Variants in TMC1 observed in about 807,000 individuals in gnomAD.
TMC1 encodes the protein transmembrane channel-like protein 1.
A neutral mutation model predicts 105.8 loss-of-function variants in TMC1; 84 were observed. That is an observed-to-expected ratio of 0.79 (90% CI 0.67 to 0.95). The LOEUF is 0.95. Ranked by LOEUF, TMC1 falls within the 40% of genes least tolerant of loss-of-function variation. The probability of loss-of-function intolerance (pLI) is 0.00; values close to 1 mark genes in which losing one functional copy is unlikely to be tolerated. For synonymous variants in TMC1, 315 were observed against 311.5 expected, an observed-to-expected ratio of 1.01 and a Z score of -0.12; for missense variants, 817 against 914.1, an observed-to-expected ratio of 0.89 and a Z score of 1.37.
At chr9:72,561,063 C>T (rs1253222163) in intron 1 of TMC1, among the ~76,000 whole-genome samples, 1 of 151,708 alleles carries the variant, frequency 6.6e-6, no homozygotes, top group Non-Finnish European at 1.5e-5. Flanking sequence ...CCTGTAATCC[C>T]AGCACTTTGG....
At chr9:72,712,418 A>C (rs1424136885) in intron 8 of TMC1, among the ~76,000 whole-genome samples, 1 of 151,212 alleles carries the variant, frequency 6.6e-6, no homozygotes, top group African/African-American at 2.4e-5. Flanking sequence ...ATGTTTTTCC[A>C]TGTTTGTGTC....
chr9:72,563,479 T>C (rs1020001627), intron 1 of TMC1, among the ~76,000 whole-genome samples: 2 of 152,192 alleles, frequency 1.3e-5, no homozygotes, highest in African/African-American at 4.8e-5. Flanking sequence ...GAGGCATTTC[T>C]AGGATTTTTG....
chr9:72,624,466 A>G (rs1299215403), intron 3 of TMC1, among the ~76,000 whole-genome samples: 2 of 152,168 alleles, frequency 1.3e-5, no homozygotes, highest in Non-Finnish European at 2.9e-5. Flanking sequence ...TGGCCAAGCC[A>G]TTCACTACTG....
chr9:72,660,411 G>A (rs1389224685), intron 5 of TMC1, among the ~76,000 whole-genome samples: 4 of 152,160 alleles, frequency 2.6e-5, no homozygotes, highest in East Asian at 1.9e-4. Flanking sequence ...TAATAAAATA[G>A]CATTTTCTCC....
rs1421946059 is a variant in TMC1, at chr9:72,706,202, CTCACCCTT to C, written c.362+5562_362+5569del. On this transcript the variant is annotated intron_variant, in intron 8 of 23. Transcript: ENST00000297784. The stretch of plus-strand genomic sequence containing the variant: ...GAAAACTATTTATTTGGCTTCCATT[CTCACCCTT>C]TCTCTCCTGTTTTCTTGTAGCTTAA... Among the ~76,000 whole-genome samples, 6 of 152,118 alleles carry C rather than the reference CTCACCCTT, an allele frequency of 3.9e-5. No homozygotes were observed. In the South Asian group the frequency reaches 6.2e-4, roughly 16 times the overall value.
intron 19 of TMC1, among the ~76,000 whole-genome samples, chr9:72,820,573 T>A (rs1004278529): frequency 6.6e-6 from 1 of 152,248 alleles, no homozygotes; most frequent in Non-Finnish European, 1.5e-5. Flanking sequence ...TTAAATTCAC[T>A]AATGATAGTA....
intron 8 of TMC1, among the ~76,000 whole-genome samples, chr9:72,725,754 G>A (rs1168419335): frequency 6.6e-6 from 1 of 151,792 alleles, no homozygotes; most frequent in Non-Finnish European, 1.5e-5. Context: ...GCAGTGGCAC[G>A]ATCTCGGCTA....
At chr9:72,771,337 A>C (rs1476914971) in intron 12 of TMC1, among the ~76,000 whole-genome samples, 2 of 152,198 alleles carry the variant, frequency 1.3e-5, no homozygotes, top group African/African-American at 4.8e-5. Context: ...ATGTTTGTTT[A>C]AGGCAATTTT....
intron 2 of TMC1, among the ~76,000 whole-genome samples, chr9:72,583,264 G>A (rs977189513): frequency 6.6e-6 from 1 of 151,854 alleles, no homozygotes; most frequent in African/African-American, 2.4e-5. Flanking sequence ...TCCCCTCCAC[G>A]AAAGAAAACC....
At chr9:72,823,903 A>G (rs1345171884) in intron 20 of TMC1, among the ~76,000 whole-genome samples, 1 of 152,266 alleles carries the variant, frequency 6.6e-6, no homozygotes, top group East Asian at 1.9e-4. Flanking sequence ...AACATGGCCC[A>G]TAATCTTGAA....
chr9:72,775,801 T>C (rs1827996445), intron 13 of TMC1, among the ~76,000 whole-genome samples: 1 of 152,140 alleles, frequency 6.6e-6, no homozygotes, highest in South Asian at 2.1e-4. Flanking sequence ...CTGTTTCCAC[T>C]CCTGGTGGAA....
chr9:72,603,408 C>T, intron 2 of TMC1, among the ~76,000 whole-genome samples: 1 of 149,228 alleles, frequency 6.7e-6, no homozygotes, highest in Non-Finnish European at 1.5e-5. Context: ...CACACACACA[C>T]ACACACACAC....
intron 9 of TMC1, among the ~76,000 whole-genome samples, chr9:72,741,853 G>A (rs981032161): frequency 6.6e-6 from 1 of 152,152 alleles, no homozygotes; most frequent in South Asian, 2.1e-4. Flanking sequence ...TTTGCAAAAT[G>A]ATTTTATGAC....
At chr9:72,675,517 C>T (rs1826188915) in intron 5 of TMC1, among the ~76,000 whole-genome samples, 2 of 152,126 alleles carry the variant, frequency 1.3e-5, no homozygotes, top group South Asian at 4.1e-4. Flanking sequence ...AGTCTCTCTT[C>T]ATCAACGTTA....
chr9:72,663,532 T>A (rs1239138315), intron 5 of TMC1, among the ~76,000 whole-genome samples: 4 of 152,176 alleles, frequency 2.6e-5, no homozygotes, highest in Non-Finnish European at 5.9e-5. Flanking sequence ...CAAAGTTAGT[T>A]GGACCTGTCC....
intron 10 of TMC1, among the ~76,000 whole-genome samples, chr9:72,746,954 A>G (rs1827499872): frequency 6.6e-6 from 1 of 152,190 alleles, no homozygotes; most frequent in Non-Finnish European, 1.5e-5. Flanking sequence ...AAGCAACTGC[A>G]TGTTTGTACC....
chr9:72,590,546 G>A (rs771724995), intron 2 of TMC1, among the ~76,000 whole-genome samples: 2 of 152,062 alleles, frequency 1.3e-5, no homozygotes, highest in African/African-American at 4.8e-5. Flanking sequence ...CTTTCGACTC[G>A]GTTTCCTCTT....
At chr9:72,648,952 C>G (rs56712655) in intron 5 of TMC1, among the ~76,000 whole-genome samples, 1 of 152,292 alleles carries the variant, frequency 6.6e-6, no homozygotes, top group African/African-American at 2.4e-5. Flanking sequence ...GGAAAATGCA[C>G]TGAGATTTCA....
At position 72,625,675 on chromosome 9, in the gene TMC1, G is replaced by A. The variant is rs557653519; in HGVS notation, c.-195-2246G>A. Among the ~76,000 whole-genome samples the A allele has an allele frequency of 1.1e-3, 165 of 143,750 alleles. 1 individual carries two copies. Among genetic ancestry groups the A allele is most frequent in the African/African-American group, 4.1e-3 (156 of 38,016 alleles). 94.3% of individuals were successfully genotyped at this position (143,750 alleles called of 152,430 possible). A position where few individuals can be genotyped will look rare whatever the true frequency, so the allele number is the denominator to read the frequency against. ...TGTGCTCCAGCCTGGGTGACAGAGCGAGACTCTGTCTCAAAAAAAAAAAAA... is the reference window on the plus strand; with the variant it reads ...TGTGCTCCAGCCTGGGTGACAGAGCAAGACTCTGTCTCAAAAAAAAAAAAA... On this transcript the variant is annotated intron_variant, in intron 3 of 23. Transcript: ENST00000297784.
Sources: gnomAD v4.1 joint callset for allele counts (sites outside exome capture counted in the v4.1 genomes callset) on GRCh38, gnomAD v4.1.1 for gene constraint, MANE v1.5 for transcripts, NCBI Gene and HGNC (gene_info 2026-07-23, HGNC 2026-07-21) for gene names.